SH3KBP1: variants seen among roughly 807,000 people sequenced by gnomAD.
SH3KBP1 encodes the protein SH3 domain-containing kinase-binding protein 1.
Under a neutral mutation model 50.1 loss-of-function variants are expected in SH3KBP1, and 8 were observed. The ratio of observed to expected loss-of-function variants is 0.16; its 90% CI spans 0.09 to 0.29. SH3KBP1 has a LOEUF of 0.29. Among genes scored for constraint, SH3KBP1 ranks in the 10% least tolerant of loss-of-function variants. SH3KBP1 has a pLI of 1.00. For missense variants in SH3KBP1, 377 were observed against 535.2 expected, an observed-to-expected ratio of 0.70 and a Z score of 2.92; for synonymous variants, 227 against 218.6, an observed-to-expected ratio of 1.04 and a Z score of -0.34.
At chrX:19,546,195 T>C (rs1277858392) in intron 14 of SH3KBP1, 145 bp from the exon 15 acceptor site, 6 of 624,012 alleles carry the variant, frequency 9.6e-6, no homozygotes, top group Admixed American at 3.3e-5. Flanking sequence ...AAAAGTGTGC[T>C]GTTATGCACG....
chrX:19,726,841 C>T (rs931158814), intron 3 of SH3KBP1, among the ~76,000 whole-genome samples: 4 of 111,943 alleles, frequency 3.6e-5, no homozygotes, highest in African/African-American at 1.3e-4. Flanking sequence ...AGAAACATTG[C>T]TTTTTAGAGT....
chrX:19,553,532 G>A (rs193144817), intron 13 of SH3KBP1, among the ~76,000 whole-genome samples: 1 of 110,147 alleles, frequency 9.1e-6, no homozygotes, highest in Non-Finnish European at 1.9e-5. Context: ...AGGAACAAGC[G>A]AACAAATGAA....
At chrX:19,861,918 C>T (rs758127422) in intron 1 of SH3KBP1, among the ~76,000 whole-genome samples, 2 of 112,037 alleles carry the variant, frequency 1.8e-5, no homozygotes, top group Non-Finnish European at 3.8e-5. Context: ...CTTTGGCCCT[C>T]CAAGAAGTCA....
intron 10 of SH3KBP1, among the ~76,000 whole-genome samples, chrX:19,593,099 T>C (rs2066797813): frequency 8.9e-6 from 1 of 112,294 alleles, no homozygotes; most frequent in African/African-American, 3.2e-5. Context: ...TTTACCCACA[T>C]GGACTGCAGC....
chrX:19,653,254 G>C (rs868043798), intron 6 of SH3KBP1, among the ~76,000 whole-genome samples: 1 of 111,515 alleles, frequency 9.0e-6, no homozygotes, highest in South Asian at 3.8e-4. Context: ...CCAAAGTGCC[G>C]GGATTACAGG....
chrX:19,853,680 C>A (rs959317272), intron 1 of SH3KBP1, among the ~76,000 whole-genome samples: 1 of 111,687 alleles, frequency 9.0e-6, no homozygotes, highest in African/African-American at 3.3e-5. Context: ...AGTCCCTTCT[C>A]GCCCAGATGC....
chrX:19,659,358 G>T (rs758103155), intron 6 of SH3KBP1, among the ~76,000 whole-genome samples: 2 of 109,791 alleles, frequency 1.8e-5, no homozygotes, highest in Non-Finnish European at 3.8e-5. Flanking sequence ...CAGGTGATCC[G>T]CCCGCCTTGG....
intron 2 of SH3KBP1, among the ~76,000 whole-genome samples, chrX:19,803,135 C>T (rs892386033): frequency 8.9e-6 from 1 of 112,105 alleles, no homozygotes; most frequent in African/African-American, 3.2e-5. Flanking sequence ...CTCCAACCCT[C>T]CCTGACACAG....
chrX:19,561,182 T>C lies in SH3KBP1; in HGVS notation c.1384+7921A>G, dbSNP rs374928612. Among the ~76,000 whole-genome samples, 317 of 109,995 alleles carry C rather than the reference T, an allele frequency of 2.9e-3. 2 individuals are homozygous for C. The highest frequency in any genetic ancestry group is 9.6e-3 in the African/African-American group (292 of 30,267). ...TCCAGAATTACATGGAAGCCAAAAT[T>C]ACACTTACTACAAAATTTGAGGAGG... On this transcript the variant is annotated intron_variant, in intron 13 of 17. Coordinates refer to ENST00000397821, the MANE Select transcript of SH3KBP1 (RefSeq NM_031892.3).
intron 3 of SH3KBP1, among the ~76,000 whole-genome samples, chrX:19,728,850 T>G (rs773327695): frequency 3.6e-5 from 4 of 112,267 alleles, no homozygotes; most frequent in African/African-American, 1.3e-4. Context: ...CTGATGAAGA[T>G]AGGAACAAAA....
At chrX:19,555,306 G>A (rs2065455374) in intron 13 of SH3KBP1, among the ~76,000 whole-genome samples, 1 of 111,705 alleles carries the variant, frequency 9.0e-6, no homozygotes, top group African/African-American at 3.3e-5. Flanking sequence ...GCTTGGAAAG[G>A]GCCTTTGACT....
At chrX:19,597,039 C>T (rs2066925351) in intron 9 of SH3KBP1, among the ~76,000 whole-genome samples, 1 of 111,506 alleles carries the variant, frequency 9.0e-6, no homozygotes, top group African/African-American at 3.3e-5. Context: ...GAGCCCTTTC[C>T]AGAATTATTT....
At chrX:19,567,402 C>T (rs961825022) in intron 13 of SH3KBP1, among the ~76,000 whole-genome samples, 17 of 100,511 alleles carry the variant, frequency 1.7e-4, no homozygotes, top group Non-Finnish European at 3.0e-4. Context: ...ACCTGTGGTC[C>T]CAGCTACTCA....
Position 19,645,401 on chromosome X carries a change from C to A in SH3KBP1, c.801G>T (p.Lys267Asn). The A allele has an allele frequency of 8.4e-7, 1 of 1,188,749 alleles. No individual in the cohort carries two copies. ...AAACAGATAACTAAGGAAACTCACT[C>A]TTTGTCCTGCTGTCCATTTCTGTTT... ...SSKTEMDSRTKSKDYCKVIFP... is the reference protein window; with the variant it reads ...SSKTEMDSRTNSKDYCKVIFP... The change falls in exon 7 of 18, where the codon AAG becomes AAT. Residue 267 changes from lysine to asparagine, a missense_variant and splice_region_variant. Transcript: ENST00000397821.
intron 12 of SH3KBP1, among the ~76,000 whole-genome samples, chrX:19,586,379 T>C (rs901533150): frequency 8.9e-6 from 1 of 112,576 alleles, no homozygotes; most frequent in African/African-American, 3.2e-5. Context: ...TGGAGACTAA[T>C]AGAATTTGCC....
chrX:19,744,487 ACG>A (rs1383722316), intron 3 of SH3KBP1, among the ~76,000 whole-genome samples: 1 of 111,539 alleles, frequency 9.0e-6, no homozygotes, highest in Non-Finnish European at 1.9e-5. Flanking sequence ...AATTTATGTT[ACG>A]CCCAGGTGAC....
At chrX:19,737,503 G>A (rs1298524488) in intron 3 of SH3KBP1, among the ~76,000 whole-genome samples, 1 of 111,912 alleles carries the variant, frequency 8.9e-6, no homozygotes, top group Admixed American at 9.5e-5. Flanking sequence ...CTAGTAGGGA[G>A]AGAAGAAGGC....
At chrX:19,608,579 G>T (rs1602647113) in intron 8 of SH3KBP1, among the ~76,000 whole-genome samples, 1 of 111,887 alleles carries the variant, frequency 8.9e-6, no homozygotes, top group African/African-American at 3.2e-5. Context: ...AAAGTGCTGA[G>T]ATTACAGGCA....
intron 2 of SH3KBP1, among the ~76,000 whole-genome samples, chrX:19,768,331 G>A (rs2065682766): frequency 9.4e-6 from 1 of 106,379 alleles, no homozygotes; most frequent in African/African-American, 3.4e-5. Flanking sequence ...GGGAAAAAAA[G>A]CACACAGCAA....
Sources: gnomAD v4.1 joint callset for allele counts (sites outside exome capture counted in the v4.1 genomes callset) on GRCh38, gnomAD v4.1.1 for gene constraint, MANE v1.5 for transcripts, NCBI Gene and HGNC (gene_info 2026-07-23, HGNC 2026-07-21) for gene names.